Variants in LETM1 observed in about 807,000 individuals in gnomAD.
The protein encoded by LETM1 is mitochondrial proton/calcium exchanger protein.
A neutral mutation model predicts 74.5 loss-of-function variants in LETM1; 50 were observed. The observed-to-expected ratio is 0.67, with a 90% CI of 0.53 to 0.85. The LOEUF (loss-of-function observed/expected upper bound fraction) is 0.85, where lower values mean the gene tolerates loss of function less well. Among genes scored for constraint, LETM1 ranks in the 40% least tolerant of loss-of-function variants. The pLI is 0.00. For synonymous variants in LETM1, 446 were observed against 407.1 expected (o/e 1.10, Z -1.15); for missense variants, 824 against 967.8 (o/e 0.85, Z 1.97).
At chr4:1,835,408 T>A (rs914201348) in intron 4 of LETM1, among the ~76,000 whole-genome samples, 13 of 151,254 alleles carry the variant, frequency 8.6e-5, no homozygotes, top group African/African-American at 3.2e-4. Context: ...CACTGCACTC[T>A]CCAGCCTGGG....
In LETM1 at chr4:1,832,794, G is replaced by A. The variant is rs1227868837; in HGVS notation, c.1030C>T (p.Leu344=). The part of the protein sequence containing the change: ...ELQSIGTNNF[L]RFQLTMRLRS... ...AGCCGCATGGTAAGCTGGAAGCGCA[G>A]GAAGTTGTTGGTGCCGATGGACTGT... The change falls in exon 6 of 14, where the codon CTG becomes TTG. Residue 344 remains leucine (L), a synonymous_variant. Coordinates refer to ENST00000302787, the MANE Select transcript of LETM1 (RefSeq NM_012318.3). 6.2e-7 allele frequency: 1 copy of A among 1,614,234 alleles called. No individual in the cohort carries two copies.
At chr4:1,818,879 C>A (rs961721585) in intron 11 of LETM1, among the ~76,000 whole-genome samples, 2 of 151,820 alleles carry the variant, frequency 1.3e-5, no homozygotes, top group East Asian at 3.9e-4. Flanking sequence ...GCCAGGAGTT[C>A]GAGATGAGCC....
chr4:1,832,251 G>A (rs1289405975), intron 6 of LETM1, among the ~76,000 whole-genome samples: 3 of 151,996 alleles, frequency 2.0e-5, no homozygotes, highest in Admixed American at 6.5e-5. Flanking sequence ...GCAGTGAGTC[G>A]AGATCTCGCC....
At chr4:1,839,363 C>A (rs1712606571) in intron 3 of LETM1, 1 of 152,266 alleles carries the variant, frequency 6.6e-6, no homozygotes, top group South Asian at 2.1e-4. Flanking sequence ...GGGCCTGCAC[C>A]TGCAGCAGAG....
chr4:1,841,277 T>C (rs1356583763), intron 3 of LETM1, 70 bp downstream of exon 3: 1 of 1,420,540 alleles, frequency 7.0e-7, no homozygotes, highest in African/African-American at 1.4e-5. Flanking sequence ...CCCAGGAAAT[T>C]GCGCCACTGC....
intron 10 of LETM1, among the ~76,000 whole-genome samples, 196 bp downstream of exon 10, chr4:1,821,985 G>A (rs1383052122): frequency 1.3e-5 from 2 of 152,174 alleles, no homozygotes; most frequent in African/African-American, 2.4e-5. Flanking sequence ...TGCGGAGCCC[G>A]GCCGGACTCA....
chr4:1,852,469 T>C (rs1176701411), intron 1 of LETM1, among the ~76,000 whole-genome samples: 1 of 152,200 alleles, frequency 6.6e-6, no homozygotes, highest in Non-Finnish European at 1.5e-5. Flanking sequence ...ATTGGCCCAC[T>C]GGCCATGGGG....
At chr4:1,816,370 G>A (rs1199885063) in intron 12 of LETM1, among the ~76,000 whole-genome samples, 2 of 152,232 alleles carry the variant, frequency 1.3e-5, no homozygotes, top group South Asian at 4.1e-4. Context: ...AGAGAAGGCC[G>A]ACTGCCCGAG....
At chr4:1,830,454 C>G (rs1053796160) in intron 6 of LETM1, among the ~76,000 whole-genome samples, 4 of 152,160 alleles carry the variant, frequency 2.6e-5, no homozygotes, top group African/African-American at 9.7e-5. Context: ...CCTCAGCCTC[C>G]TGAGTAGCTG....
intron 11 of LETM1, 57 bp downstream of exon 11, chr4:1,819,281 G>A (rs1378869185): frequency 1.9e-6 from 3 of 1,544,896 alleles, no homozygotes; most frequent in Non-Finnish European, 2.6e-6. Context: ...TTTGGGGCCA[G>A]TACAGCGATT....
At chr4:1,850,894 G>T (rs1009514925) in intron 1 of LETM1, among the ~76,000 whole-genome samples, 1 of 151,020 alleles carries the variant, frequency 6.6e-6, no homozygotes, top group African/African-American at 2.4e-5. Flanking sequence ...TGAACCCTCC[G>T]GGAGGCAGAG....
chr4:1,850,539 G>A (rs977421344), intron 1 of LETM1, among the ~76,000 whole-genome samples: 7 of 150,802 alleles, frequency 4.6e-5, no homozygotes, highest in South Asian at 2.1e-4. Flanking sequence ...AGTGGCTCAC[G>A]CCTGTAATCC....
rs1341737552 is a variant in LETM1 at position 1,841,512 on chromosome 4, G to A, written c.429C>T (p.Pro143=). 2 of 1,614,232 alleles carry A rather than the reference G, an allele frequency of 1.2e-6. No homozygotes were observed. The highest frequency in any genetic ancestry group is 1.7e-6 in the Non-Finnish European group (2 of 1,180,048). ...ACTTCTTCACCACCACCTCTGCGGG[G>A]GGGCTGTACACCGGGCCGCCTTCCT... is the stretch of plus-strand genomic sequence containing the variant. ...KLEEGGPVYS[P]PAEVVVKKSL... is the part of the protein sequence containing the mutation. Residue 143 remains proline (P), a synonymous_variant, in exon 3 of 14, where the codon CCC becomes CCT. Coordinates refer to ENST00000302787, the MANE Select transcript of LETM1 (RefSeq NM_012318.3).
At chr4:1,844,139 G>A (rs1336927838) in intron 2 of LETM1, among the ~76,000 whole-genome samples, 2 of 152,216 alleles carry the variant, frequency 1.3e-5, no homozygotes, top group African/African-American at 4.8e-5. Flanking sequence ...AGCACACGAT[G>A]GACTCAGTGA....
intron 6 of LETM1, among the ~76,000 whole-genome samples, chr4:1,829,251 G>A (rs1321772892): frequency 8.1e-5 from 11 of 136,480 alleles, no homozygotes; most frequent in East Asian, 2.5e-4. Context: ...CGGACGGGGC[G>A]GCTGGCCGGG....
chr4:1,835,674 A>G (rs1409402076), intron 4 of LETM1, among the ~76,000 whole-genome samples: 2 of 152,204 alleles, frequency 1.3e-5, no homozygotes, highest in African/African-American at 2.4e-5. Flanking sequence ...GAGAACAGGC[A>G]GGGTCCTGAT....
chr4:1,830,624 G>A (rs1712233139), intron 6 of LETM1, among the ~76,000 whole-genome samples: 1 of 152,208 alleles, frequency 6.6e-6, no homozygotes, highest in Non-Finnish European at 1.5e-5. Flanking sequence ...GTGAGCCACT[G>A]TGCCTGGCCT....
Position 1,825,595 on chromosome 4 carries a change from G to C in LETM1, c.1169C>G (p.Thr390Arg). 8 of 1,613,722 alleles carry C rather than the reference G, an allele frequency of 5.0e-6. No homozygotes were observed. The highest frequency in any genetic ancestry group is 5.9e-6 in the Non-Finnish European group (7 of 1,179,770). Residue 390 changes from threonine (T) to arginine (R), a missense_variant, in exon 7 of 14, where the codon ACG becomes AGG. Thr to Arg is a moderately conservative substitution (Grantham distance 71). This residue lies in a region of LETM1 where 269 missense variants were observed against 348.8 expected (regional missense o/e 0.77). Coordinates refer to ENST00000302787, the MANE Select transcript of LETM1 (RefSeq NM_012318.3). ...CAGCTGACCCCTCAGGCGGTCTTCC[G>C]TGACGCCCAGGGCCCGCATGCCTCG... Reference protein sequence around the residue: ...RARGMRALGVTEDRLRGQLKQ... With the variant: ...RARGMRALGVREDRLRGQLKQ...
At position 1,834,854 on chromosome 4, in the gene LETM1, A is replaced by G. The variant is rs781635512; in HGVS notation, c.867T>C (p.Phe289=). Residue 289 remains phenylalanine, a synonymous_variant, in exon 5 of 14, where the codon TTT becomes TTC. Coordinates refer to ENST00000302787, the MANE Select transcript of LETM1 (RefSeq NM_012318.3). The surrounding 1 kb of genome is among the most constrained non-coding windows in gnomAD (Gnocchi z 5.0). Reference sequence around the variant, plus strand: ...AGACGTATCACAGCACCTTCTGGAAAAACACAGAGAAGTCTTTGGTGGCGC... The same window carrying G: ...AGACGTATCACAGCACCTTCTGGAAGAACACAGAGAAGTCTTTGGTGGCGC... ...KGSATKDFSV[F]FQKIRETGER... is the part of the protein sequence containing the mutation. 6 of 1,614,142 alleles carry G rather than the reference A, an allele frequency of 3.7e-6. No individual in the cohort carries two copies. In the South Asian group the frequency reaches 6.6e-5, roughly 18 times the overall value.
Sources: gnomAD v4.1 joint callset for allele counts (sites outside exome capture counted in the v4.1 genomes callset) on GRCh38, gnomAD v4.1.1 for gene constraint, gnomAD v4.1.1 regional missense constraint, Gnocchi (gnomAD v3.1) non-coding constraint, MANE v1.5 for transcripts, NCBI Gene and HGNC (gene_info 2026-07-23, HGNC 2026-07-21) for gene names.